ARHGAP15: variants seen among roughly 807,000 people sequenced by gnomAD.
ARHGAP15 encodes Rho GTPase activating protein 15.
ARHGAP15 carries 51 observed loss-of-function variants against 63.7 expected under a neutral mutation model. The ratio of observed to expected loss-of-function variants is 0.80; its 90% CI spans 0.64 to 1.01. The LOEUF is 1.01. Ranked by LOEUF, ARHGAP15 falls within the 50% of genes least tolerant of loss-of-function variation. The probability of loss-of-function intolerance (pLI) is 0.00; values close to 1 mark genes in which losing one functional copy is unlikely to be tolerated. For missense variants in ARHGAP15, 560 were observed against 564.6 expected (o/e 0.99, Z 0.08); for synonymous variants, 191 against 193.8 (o/e 0.99, Z 0.12).
At chr2:143,661,909 G>A (rs574698878) in intron 12 of ARHGAP15, among the ~76,000 whole-genome samples, 19 of 152,322 alleles carry the variant, frequency 1.2e-4, no homozygotes, top group South Asian at 4.1e-4. Flanking sequence ...CACCTGGCTC[G>A]GAGGGTCCTA....
chr2:143,205,932 A>C (rs1202280482), intron 3 of ARHGAP15, among the ~76,000 whole-genome samples: 1 of 151,494 alleles, frequency 6.6e-6, no homozygotes, highest in Non-Finnish European at 1.5e-5. Context: ...CATCCCCCCC[A>C]CTGATCCTAG....
intron 6 of ARHGAP15, among the ~76,000 whole-genome samples, chr2:143,292,595 T>C (rs7556938): frequency 0.69 from 104,676 of 151,866 alleles, 36,997 homozygotes; most frequent in Non-Finnish European, 0.79. Context: ...TTAAATTAAA[T>C]TTTTAATAGA....
At chr2:143,591,030 A>G (rs1294331541) in intron 11 of ARHGAP15, among the ~76,000 whole-genome samples, 1 of 151,998 alleles carries the variant, frequency 6.6e-6, no homozygotes, top group African/African-American at 2.4e-5. Context: ...TTTATTTCCT[A>G]CCCAGGAGTT....
At chr2:143,569,322 T>C (rs1696363355) in intron 11 of ARHGAP15, among the ~76,000 whole-genome samples, 1 of 152,100 alleles carries the variant, frequency 6.6e-6, no homozygotes, top group Non-Finnish European at 1.5e-5. Context: ...AAGAGATACA[T>C]AATAAATACA....
chr2:143,325,653 A>T (rs990193540), intron 6 of ARHGAP15, among the ~76,000 whole-genome samples: 7 of 152,164 alleles, frequency 4.6e-5, no homozygotes, highest in Non-Finnish European at 7.4e-5. Context: ...TTACAAACCA[A>T]GTTAATTACT....
intron 6 of ARHGAP15, among the ~76,000 whole-genome samples, chr2:143,281,780 C>T (rs1034191091): frequency 6.6e-6 from 1 of 152,132 alleles, no homozygotes; most frequent in African/African-American, 2.4e-5. Flanking sequence ...ATTCTACTTT[C>T]CATTTTAAAG....
chr2:143,668,066 G>A (rs1682322582), intron 12 of ARHGAP15, among the ~76,000 whole-genome samples: 1 of 151,838 alleles, frequency 6.6e-6, no homozygotes, highest in Non-Finnish European at 1.5e-5. Flanking sequence ...AAAAGTTGAA[G>A]GAGAAAGGGT....
chr2:143,520,365 T>C (rs1053858646), intron 10 of ARHGAP15, among the ~76,000 whole-genome samples: 2 of 152,210 alleles, frequency 1.3e-5, no homozygotes, highest in Non-Finnish European at 2.9e-5. Flanking sequence ...TGGAAATTCA[T>C]ACTTTAATTA....
intron 8 of ARHGAP15, among the ~76,000 whole-genome samples, chr2:143,486,395 A>AT (rs1174685354): frequency 7.4e-6 from 1 of 135,668 alleles, no homozygotes; most frequent in Non-Finnish European, 1.6e-5. Context: ...ATGAAGTGAG[A>AT]TCCCATTTCT....
chr2:143,711,491 T>A (rs1396773617), intron 13 of ARHGAP15, among the ~76,000 whole-genome samples: 2 of 152,074 alleles, frequency 1.3e-5, no homozygotes, highest in Non-Finnish European at 2.9e-5. Flanking sequence ...AGAACTGCAA[T>A]GTGGTAAAGA....
chr2:143,502,224 C>A (rs1693096392), intron 9 of ARHGAP15, among the ~76,000 whole-genome samples: 1 of 151,972 alleles, frequency 6.6e-6, no homozygotes, highest in Non-Finnish European at 1.5e-5. Flanking sequence ...GCCTAGCCAA[C>A]ATGATGAAAC....
intron 6 of ARHGAP15, among the ~76,000 whole-genome samples, chr2:143,331,497 A>G (rs1376163359): frequency 6.6e-6 from 1 of 152,228 alleles, no homozygotes; most frequent in Non-Finnish European, 1.5e-5. Context: ...CCAGCAGAGC[A>G]CATAATGAGT....
intron 12 of ARHGAP15, among the ~76,000 whole-genome samples, chr2:143,634,265 G>A (rs1446562738): frequency 3.3e-5 from 5 of 152,020 alleles, no homozygotes; most frequent in Admixed American, 1.3e-4. Context: ...CCACTGTCAA[G>A]TCCTCAGGGA....
At chr2:143,286,238 T>A (rs1682091738) in intron 6 of ARHGAP15, among the ~76,000 whole-genome samples, 1 of 152,154 alleles carries the variant, frequency 6.6e-6, no homozygotes, top group African/African-American at 2.4e-5. Flanking sequence ...ACCAACTTCA[T>A]CATCACACAA....
chr2:143,153,662 CA>C (rs1689926338), intron 1 of ARHGAP15, among the ~76,000 whole-genome samples: 1 of 151,964 alleles, frequency 6.6e-6, no homozygotes, highest in South Asian at 2.1e-4. Context: ...AAACTTTGCT[CA>C]ATGTGATCCA....
chr2:143,611,929 A>G (rs968139244), intron 11 of ARHGAP15, among the ~76,000 whole-genome samples: 8 of 152,140 alleles, frequency 5.3e-5, no homozygotes, highest in Non-Finnish European at 7.4e-5. Flanking sequence ...CATTTCTACA[A>G]ATACTATTTA....
At chr2:143,383,579 T>G (rs1473742011) in intron 6 of ARHGAP15, among the ~76,000 whole-genome samples, 2 of 152,220 alleles carry the variant, frequency 1.3e-5, no homozygotes, top group African/African-American at 4.8e-5. Flanking sequence ...TTGTATAACA[T>G]TCTCGATATT....
intron 5 of ARHGAP15, among the ~76,000 whole-genome samples, chr2:143,239,850 G>A (rs1045495193): frequency 2.0e-5 from 3 of 151,922 alleles, no homozygotes; most frequent in South Asian, 2.1e-4. Context: ...AATTAGTTGG[G>A]TGTGGTGGTG....
chr2:143,281,257 T>C (rs1481626505), intron 6 of ARHGAP15, among the ~76,000 whole-genome samples: 3 of 151,980 alleles, frequency 2.0e-5, no homozygotes, highest in Admixed American at 6.6e-5. Context: ...AAATGCTAAT[T>C]CCAGATTTTC....
Sources: gnomAD v4.1 joint callset for allele counts (sites outside exome capture counted in the v4.1 genomes callset) on GRCh38, gnomAD v4.1.1 for gene constraint, MANE v1.5 for transcripts, NCBI Gene and HGNC (gene_info 2026-07-23, HGNC 2026-07-21) for gene names.